Variants in SEC63 observed in about 807,000 individuals in gnomAD.
SEC63 encodes the protein translocation protein SEC63 homolog.
Under a neutral mutation model 116.2 loss-of-function variants are expected in SEC63, and 56 were observed. The observed-to-expected ratio is 0.48, with a 90% CI of 0.39 to 0.60. SEC63 has a LOEUF of 0.60. Ranked by LOEUF, SEC63 falls within the 20% of genes least tolerant of loss-of-function variation. The pLI, the probability that SEC63 is intolerant of heterozygous loss-of-function variation, is 0.00. For synonymous variants in SEC63, 273 were observed against 294.6 expected (o/e 0.93, Z 0.75); for missense variants, 668 against 900.0 (o/e 0.74, Z 3.30).
At chr6:107,872,299 G>A (rs954103490) in intron 20 of SEC63, among the ~76,000 whole-genome samples, 13 of 152,086 alleles carry the variant, frequency 8.5e-5, no homozygotes, top group Non-Finnish European at 1.8e-4. Context: ...GCATTTACTG[G>A]CTACTTTTAC....
At chr6:107,886,557 C>A (rs552239843) in intron 16 of SEC63, among the ~76,000 whole-genome samples, 1 of 151,758 alleles carries the variant, frequency 6.6e-6, no homozygotes, top group Non-Finnish European at 1.5e-5. Flanking sequence ...TTCTAACTGG[C>A]GTGAGATGGT....
intron 14 of SEC63, among the ~76,000 whole-genome samples, chr6:107,895,516 C>A (rs1453007180): frequency 6.6e-6 from 1 of 151,380 alleles, no homozygotes; most frequent in Admixed American, 6.6e-5. Flanking sequence ...CAAGACCAAC[C>A]TGGCCAACAC....
At chr6:107,903,892 G>A (rs1382034782) in intron 11 of SEC63, among the ~76,000 whole-genome samples, 4 of 152,134 alleles carry the variant, frequency 2.6e-5, no homozygotes, top group African/African-American at 9.7e-5. Flanking sequence ...GGCTGAGGCA[G>A]GTGGATCACA....
At position 107,871,462 on chromosome 6, in the gene SEC63, T is replaced by C. The variant is rs2114385320; in HGVS notation, c.*242A>G. 2 of 520,882 alleles carry C rather than the reference T, an allele frequency of 3.8e-6. No individual in the cohort carries two copies. Among genetic ancestry groups the C allele is most frequent in the South Asian group, 2.0e-5 (1 of 49,710 alleles). The allele number at this position is 520,882 out of a possible 1,614,324, so 32.3% of individuals were successfully genotyped here. A position where few individuals can be genotyped will look rare whatever the true frequency, so the allele number is the denominator to read the frequency against. On this transcript the variant is annotated 3_prime_UTR_variant, in exon 21 of 21. Transcript: ENST00000369002. ...ACAGTTATAATAACAAAGGATTTAT[T>C]ATCATTTGCAGATGAAATAAATGTA... is the stretch of plus-strand genomic sequence containing the variant.
At chr6:107,910,237 A>C (rs1172769222) in intron 7 of SEC63, among the ~76,000 whole-genome samples, 1 of 152,134 alleles carries the variant, frequency 6.6e-6, no homozygotes, top group African/African-American at 2.4e-5. Context: ...AGGCCGAGGC[A>C]GGATAATCGT....
intron 13 of SEC63, among the ~76,000 whole-genome samples, chr6:107,899,252 A>T (rs1786939592): frequency 6.6e-6 from 1 of 152,186 alleles, no homozygotes; most frequent in Admixed American, 6.5e-5. Flanking sequence ...CTCCTTCACC[A>T]ACTATAGCAC....
intron 16 of SEC63, among the ~76,000 whole-genome samples, chr6:107,892,329 T>C (rs663455): frequency 0.14 from 21,039 of 152,154 alleles, 1,702 homozygotes; most frequent in African/African-American, 0.22. Flanking sequence ...TACAATTTAC[T>C]GAGGAAAGAA....
intron 14 of SEC63, among the ~76,000 whole-genome samples, chr6:107,896,669 G>C (rs906555699): frequency 3.3e-5 from 5 of 152,032 alleles, no homozygotes; most frequent in Non-Finnish European, 7.4e-5. Context: ...GCTGACAAGG[G>C]GTTTTCCTAA....
At chr6:107,917,570 CCAGA>C (rs1787437132) in intron 4 of SEC63, among the ~76,000 whole-genome samples, 1 of 152,146 alleles carries the variant, frequency 6.6e-6, no homozygotes, top group African/African-American at 2.4e-5. Context: ...GCCTCTTGTG[CCAGA>C]CAGTCAAGTT....
rs553296986 is a variant in SEC63, at chr6:107,912,859, T to C, written c.515-85A>G. On this transcript the variant is annotated intron_variant, in intron 5 of 20. Transcript: ENST00000369002. ...TTAAATATATTTGGGATCTATAATA[T>C]ATCCCAGAACTCTCCCCCACAACAC... The C allele has an allele frequency of 3.6e-4, 358 of 1,008,020 alleles. 2 individuals carry two copies. Among genetic ancestry groups the C allele is most frequent in the African/African-American group, 1.6e-5 (1 of 62,462 alleles). 62.4% of individuals were successfully genotyped at this position (1,008,020 alleles called of 1,614,324 possible). A position where few individuals can be genotyped will look rare whatever the true frequency, so the allele number is the denominator to read the frequency against.
At chr6:107,953,132 C>T (rs1038902872) in intron 1 of SEC63, among the ~76,000 whole-genome samples, 49 of 152,240 alleles carry the variant, frequency 3.2e-4, no homozygotes, top group African/African-American at 1.1e-3. Flanking sequence ...TGGTGGCTCG[C>T]GCCAGTTTTC....
At chr6:107,883,642 TTATA>T (rs141133474) in intron 16 of SEC63, among the ~76,000 whole-genome samples, 1 of 146,386 alleles carries the variant, frequency 6.8e-6, no homozygotes, top group South Asian at 2.1e-4. Flanking sequence ...AAAAAAAAAA[TTATA>T]TATATATATA....
chr6:107,898,327 C>T (rs847113), intron 13 of SEC63, among the ~76,000 whole-genome samples: 13,844 of 151,770 alleles, frequency 0.091, 2,088 homozygotes, highest in African/African-American at 0.31. Context: ...CACCTGCATT[C>T]GCACACTAAG....
intron 16 of SEC63, among the ~76,000 whole-genome samples, chr6:107,888,569 C>A (rs1786595861): frequency 6.6e-6 from 1 of 152,100 alleles, no homozygotes; most frequent in South Asian, 2.1e-4. Flanking sequence ...CTTTTCCTAA[C>A]TGAACACTCT....
chr6:107,915,095 G>A (rs533827292), intron 4 of SEC63, among the ~76,000 whole-genome samples: 1 of 152,244 alleles, frequency 6.6e-6, no homozygotes, highest in Non-Finnish European at 1.5e-5. Flanking sequence ...CCACTTCTAA[G>A]AGTTAAAGTA....
At chr6:107,908,732 G>C (rs1448343227) in intron 8 of SEC63, among the ~76,000 whole-genome samples, 195 bp downstream of exon 8, 2 of 152,128 alleles carry the variant, frequency 1.3e-5, no homozygotes, top group African/African-American at 4.8e-5. Context: ...ATGAGTAAAT[G>C]TGAATAATGA....
In SEC63 at chr6:107,880,172, C is replaced by G. The variant is rs3734759; in HGVS notation, c.1935+977G>C. On this transcript the variant is annotated intron_variant, in intron 18 of 20. Transcript: ENST00000369002. ...TTAAGATGGAATCCTGGGCAGACTT[C>G]TCTCCAAGTCAAAACAACAGTCTGT... 0.013 allele frequency among the ~76,000 whole-genome samples: 2,032 copies of G among 152,324 alleles called. 97 individuals carry two copies. The East Asian group carries it at 0.16, about 12-fold the overall frequency.
intron 4 of SEC63, among the ~76,000 whole-genome samples, chr6:107,920,634 C>G (rs923597955): frequency 6.6e-6 from 1 of 152,028 alleles, no homozygotes; most frequent in African/African-American, 2.4e-5. Flanking sequence ...AAATTGAGTT[C>G]ACAAAATTAT....
At chr6:107,953,600 C>A (rs1234582847) in intron 1 of SEC63, among the ~76,000 whole-genome samples, 1 of 147,840 alleles carries the variant, frequency 6.8e-6, no homozygotes, top group Non-Finnish European at 1.5e-5. Context: ...CGGCCAGCCG[C>A]CCCGTCCGGG....
Sources: gnomAD v4.1 joint callset for allele counts (sites outside exome capture counted in the v4.1 genomes callset) on GRCh38, gnomAD v4.1.1 for gene constraint, MANE v1.5 for transcripts, NCBI Gene and HGNC (gene_info 2026-07-23, HGNC 2026-07-21) for gene names.